TMEM132B: variants seen among roughly 807,000 people sequenced by gnomAD.
The protein encoded by TMEM132B is transmembrane protein 132B.
TMEM132B carries 18 observed loss-of-function variants against 90.8 expected under a neutral mutation model. The ratio of observed to expected loss-of-function variants is 0.20; its 90% CI spans 0.14 to 0.29. The LOEUF (loss-of-function observed/expected upper bound fraction) is 0.29, where lower values mean the gene tolerates loss of function less well. TMEM132B is among the 10% of genes least tolerant of loss of function. TMEM132B has a pLI of 1.00. For missense variants in TMEM132B, 1,096 were observed against 1,326.8 expected, an observed-to-expected ratio of 0.83 and a Z score of 2.70; for synonymous variants, 504 against 523.3, an observed-to-expected ratio of 0.96 and a Z score of 0.50.
At chr12:125,245,535 G>T (rs1304685690) in intron 1 of TMEM132B, among the ~76,000 whole-genome samples, 1 of 152,206 alleles carries the variant, frequency 6.6e-6, no homozygotes, top group East Asian at 1.9e-4. Flanking sequence ...AGGATGGGGG[G>T]CTTCGATGGG....
chr12:125,385,373 T>C (rs751634566), intron 2 of TMEM132B, among the ~76,000 whole-genome samples: 2 of 152,182 alleles, frequency 1.3e-5, no homozygotes, highest in African/African-American at 4.8e-5. Flanking sequence ...TCCTCTGATT[T>C]TGGGAGGAGG....
At chr12:125,637,581 G>A (rs1886517091) in intron 5 of TMEM132B, among the ~76,000 whole-genome samples, 1 of 152,150 alleles carries the variant, frequency 6.6e-6, no homozygotes, top group African/African-American at 2.4e-5. Context: ...AAAGTGGGGG[G>A]ACAACTTGAA....
intron 4 of TMEM132B, among the ~76,000 whole-genome samples, chr12:125,553,215 A>T (rs922227971): frequency 3.3e-5 from 5 of 152,192 alleles, no homozygotes; most frequent in East Asian, 1.9e-4. Flanking sequence ...CCCTTTAGGG[A>T]ATGTACTATT....
intron 1 of TMEM132B, among the ~76,000 whole-genome samples, chr12:125,249,322 C>T (rs770920832): frequency 1.3e-5 from 2 of 152,074 alleles, no homozygotes; most frequent in Non-Finnish European, 2.9e-5. Context: ...TAGCAGGTTC[C>T]CAGACGCTGC....
chr12:125,379,385 AG>A (rs974615048), intron 2 of TMEM132B, among the ~76,000 whole-genome samples: 20 of 152,342 alleles, frequency 1.3e-4, no homozygotes, highest in African/African-American at 3.8e-4. Flanking sequence ...AGATGCAGGA[AG>A]GGGCCACAAG....
chr12:125,430,884 G>A (rs962769410), intron 3 of TMEM132B, among the ~76,000 whole-genome samples: 1 of 152,170 alleles, frequency 6.6e-6, no homozygotes, highest in African/African-American at 2.4e-5. Flanking sequence ...TTCAGATAAG[G>A]CGGTCAGGGA....
chr12:125,206,776 G>A (rs772377639), intron 1 of TMEM132B, among the ~76,000 whole-genome samples: 4 of 152,184 alleles, frequency 2.6e-5, no homozygotes, highest in Non-Finnish European at 5.9e-5. Flanking sequence ...GATTCATTTC[G>A]AGTTGTTAGC....
intron 4 of TMEM132B, among the ~76,000 whole-genome samples, chr12:125,581,698 A>C (rs1885058112): frequency 6.7e-6 from 1 of 149,052 alleles, no homozygotes; most frequent in Non-Finnish European, 1.5e-5. Context: ...ACCACACACA[A>C]AAAATACCTG....
Position 125,350,242 on chromosome 12 carries a change from T to C in TMEM132B, c.858T>C (p.Asn286=). ...GGTCCCTGGTGAGCTTGGACGAGAA[T>C]GTGGTCATCTCGGTACCTCTGAATC... ...LKWSLVSLDE[N]VVISVPLNLV... Residue 286 remains asparagine, a synonymous_variant, in exon 2 of 9, where the codon AAT becomes AAC. Coordinates refer to ENST00000682704, the MANE Select transcript of TMEM132B (RefSeq NM_001366854.1). 6.2e-7 allele frequency: 1 copy of C among 1,614,052 alleles called. No individual in the cohort carries two copies. Among genetic ancestry groups the C allele is most frequent in the South Asian group, 1.1e-5 (1 of 91,064 alleles).
In TMEM132B at chr12:125,350,179, G is replaced by T; in HGVS notation, c.795G>T (p.Gly265=). The T allele has an allele frequency of 6.2e-7, 1 of 1,614,196 alleles. No individual in the cohort carries two copies. Among genetic ancestry groups the T allele is most frequent in the Non-Finnish European group, 8.5e-7 (1 of 1,180,036 alleles). ...CGTTTCCAGCCCGAGAGAGGATTGG[G>T]AGTGTGGTGGTCTACCCAACCCAAG... ...QQAFPARERI[G]SVVVYPTQDD... Residue 265 remains glycine (G), a synonymous_variant, in exon 2 of 9, where the codon GGG becomes GGT. Coordinates refer to ENST00000682704, the MANE Select transcript of TMEM132B (RefSeq NM_001366854.1).
At chr12:125,544,702 G>A (rs1271417325) in intron 4 of TMEM132B, among the ~76,000 whole-genome samples, 1 of 152,192 alleles carries the variant, frequency 6.6e-6, no homozygotes, top group Non-Finnish European at 1.5e-5. Context: ...ATGCAAGATG[G>A]CAAGAAGCCA....
chr12:125,561,073 A>G (rs571806747), intron 4 of TMEM132B, among the ~76,000 whole-genome samples: 3 of 152,218 alleles, frequency 2.0e-5, no homozygotes, highest in South Asian at 4.2e-4. Context: ...ACATGCACAC[A>G]TATGTTTATT....
chr12:125,256,091 C>T (rs1051553884), intron 1 of TMEM132B, among the ~76,000 whole-genome samples: 2 of 152,114 alleles, frequency 1.3e-5, no homozygotes, highest in Admixed American at 1.3e-4. Context: ...ATGTCCTGGC[C>T]CCTGTCATCA....
chr12:125,473,566 G>A (rs912741286), intron 3 of TMEM132B, among the ~76,000 whole-genome samples: 5 of 152,188 alleles, frequency 3.3e-5, no homozygotes, highest in African/African-American at 1.2e-4. Flanking sequence ...AATTGTATAA[G>A]TTGAAGTATA....
intron 4 of TMEM132B, among the ~76,000 whole-genome samples, chr12:125,543,369 C>A (rs916834910): frequency 1.3e-5 from 2 of 152,070 alleles, no homozygotes; most frequent in African/African-American, 4.8e-5. Flanking sequence ...TTTAAAAAAC[C>A]AATGTTGTCT....
At chr12:125,357,223 C>T (rs1486007618) in intron 2 of TMEM132B, among the ~76,000 whole-genome samples, 1 of 152,162 alleles carries the variant, frequency 6.6e-6, no homozygotes, top group Non-Finnish European at 1.5e-5. Flanking sequence ...AAAGTTAGGA[C>T]ACATAGGGGA....
intron 1 of TMEM132B, among the ~76,000 whole-genome samples, chr12:125,290,370 C>T (rs749249140): frequency 3.9e-5 from 6 of 152,122 alleles, no homozygotes; most frequent in African/African-American, 7.2e-5. Flanking sequence ...ACCACCCAAC[C>T]GAGGAAATAA....
chr12:125,428,220 C>G (rs1304338671), intron 3 of TMEM132B, among the ~76,000 whole-genome samples: 2 of 152,002 alleles, frequency 1.3e-5, no homozygotes, highest in South Asian at 2.1e-4. Context: ...TCTCGAACTG[C>G]TGGGTTCAAG....
intron 3 of TMEM132B, among the ~76,000 whole-genome samples, chr12:125,474,090 C>T (rs1439665445): frequency 2.2e-5 from 3 of 139,330 alleles, no homozygotes; most frequent in African/African-American, 5.9e-5. Flanking sequence ...CCTTTCCTTT[C>T]CTTTCCTTCC....
Sources: gnomAD v4.1 joint callset for allele counts (sites outside exome capture counted in the v4.1 genomes callset) on GRCh38, gnomAD v4.1.1 for gene constraint, MANE v1.5 for transcripts, NCBI Gene and HGNC (gene_info 2026-07-23, HGNC 2026-07-21) for gene names.